LRRTM4: variants seen among roughly 807,000 people sequenced by gnomAD.
LRRTM4 encodes the protein leucine-rich repeat transmembrane neuronal protein 4.
LRRTM4 carries 25 observed loss-of-function variants against 47.6 expected under a neutral mutation model. The ratio of observed to expected loss-of-function variants is 0.53; its 90% CI spans 0.38 to 0.73. The LOEUF (loss-of-function observed/expected upper bound fraction) is 0.73. LRRTM4 is among the 30% of genes least tolerant of loss of function. The probability of loss-of-function intolerance (pLI) is 0.00; values close to 1 mark genes in which losing one functional copy is unlikely to be tolerated. For missense variants in LRRTM4, 638 were observed against 713.4 expected, an observed-to-expected ratio of 0.89 and a Z score of 1.20; for synonymous variants, 311 against 269.5, an observed-to-expected ratio of 1.15 and a Z score of -1.51.
intron 3 of LRRTM4, among the ~76,000 whole-genome samples, chr2:77,190,553 G>C (rs1204960882): frequency 6.6e-6 from 1 of 151,996 alleles, no homozygotes; most frequent in Non-Finnish European, 1.5e-5. Context: ...GCCCACCTCG[G>C]CTTCCCAAAG....
chr2:76,986,837 A>G (rs1352855037), intron 3 of LRRTM4, among the ~76,000 whole-genome samples: 3 of 151,936 alleles, frequency 2.0e-5, no homozygotes, highest in Non-Finnish European at 2.9e-5. Flanking sequence ...TGCTTTAGCT[A>G]ATTTGATTTT....
At chr2:77,157,307 A>G (rs565611107) in intron 3 of LRRTM4, among the ~76,000 whole-genome samples, 45 of 152,292 alleles carry the variant, frequency 3.0e-4, no homozygotes, top group African/African-American at 9.9e-4. Context: ...GGGAATCATC[A>G]TATCAGTAAG....
intron 3 of LRRTM4, among the ~76,000 whole-genome samples, chr2:76,820,115 T>C (rs1671011887): frequency 1.3e-5 from 2 of 151,986 alleles, no homozygotes; most frequent in East Asian, 1.9e-4. Flanking sequence ...ACTCCCATTC[T>C]GTTTAGTCCA....
At chr2:77,049,120 TTTTATATA>T (rs375102781) in intron 3 of LRRTM4, among the ~76,000 whole-genome samples, 1,177 of 66,352 alleles carry the variant, frequency 0.018, 9 homozygotes, top group East Asian at 0.022. Context: ...ATATTTCATT[TTTTATATA>T]TATATATATA....
intron 3 of LRRTM4, among the ~76,000 whole-genome samples, chr2:77,489,658 A>G (rs757404076): frequency 6.6e-6 from 1 of 152,240 alleles, no homozygotes; most frequent in South Asian, 2.1e-4. Context: ...TAAAGCAATT[A>G]GTAATGTTCT....
At chr2:76,803,159 G>C (rs994092691) in intron 3 of LRRTM4, among the ~76,000 whole-genome samples, 1 of 151,814 alleles carries the variant, frequency 6.6e-6, no homozygotes, top group Non-Finnish European at 1.5e-5. Flanking sequence ...CAGAGTGAAG[G>C]GACAATCTCC....
At chr2:77,291,926 A>C (rs1676834620) in intron 3 of LRRTM4, among the ~76,000 whole-genome samples, 1 of 152,028 alleles carries the variant, frequency 6.6e-6, no homozygotes, top group South Asian at 2.1e-4. Context: ...AAATGGGAGA[A>C]AATTTTCGCA....
chr2:77,224,286 G>A, intron 3 of LRRTM4, among the ~76,000 whole-genome samples: 1 of 152,004 alleles, frequency 6.6e-6, no homozygotes, highest in Non-Finnish European at 1.5e-5. Flanking sequence ...ATACCATTCA[G>A]GACATAGGCA....
At chr2:77,003,022 T>A (rs966295807) in intron 3 of LRRTM4, among the ~76,000 whole-genome samples, 4 of 152,184 alleles carry the variant, frequency 2.6e-5, no homozygotes, top group Admixed American at 2.0e-4. Context: ...TTATGTAGAA[T>A]AGACTTGACA....
At chr2:76,794,307 T>TAC (rs1675140213) in intron 3 of LRRTM4, among the ~76,000 whole-genome samples, 1 of 152,170 alleles carries the variant, frequency 6.6e-6, no homozygotes, top group Non-Finnish European at 1.5e-5. Context: ...AATATCTGCA[T>TAC]TAGTATGAAA....
intron 3 of LRRTM4, among the ~76,000 whole-genome samples, chr2:77,190,858 G>A (rs547945207): frequency 7.7e-4 from 118 of 152,258 alleles, no homozygotes; most frequent in Non-Finnish European, 1.4e-3. Context: ...GTGTTATGTG[G>A]AGGAATTAAA....
chr2:77,075,085 A>C (rs1030548397), intron 3 of LRRTM4, among the ~76,000 whole-genome samples: 4 of 152,138 alleles, frequency 2.6e-5, no homozygotes, highest in Non-Finnish European at 5.9e-5. Flanking sequence ...GATTTATTTT[A>C]TTTTATTGTC....
intron 3 of LRRTM4, among the ~76,000 whole-genome samples, chr2:77,255,738 A>G (rs1368812391): frequency 1.3e-5 from 2 of 152,128 alleles, no homozygotes; most frequent in African/African-American, 2.4e-5. Flanking sequence ...AAATGAAATT[A>G]CATGTCAATA....
chr2:76,942,871 C>T (rs1013269345), intron 3 of LRRTM4, among the ~76,000 whole-genome samples: 22 of 152,032 alleles, frequency 1.4e-4, no homozygotes, highest in Non-Finnish European at 1.5e-5. Context: ...ATGATATGAT[C>T]TTTTGTAAAG....
intron 3 of LRRTM4, among the ~76,000 whole-genome samples, chr2:77,421,600 G>C (rs916293051): frequency 6.6e-6 from 1 of 152,068 alleles, no homozygotes; most frequent in Non-Finnish European, 1.5e-5. Flanking sequence ...CCAGCTACTC[G>C]GGAGGCTGAA....
chr2:77,170,010 A>G (rs1018391412), intron 3 of LRRTM4, among the ~76,000 whole-genome samples: 3 of 152,152 alleles, frequency 2.0e-5, no homozygotes, highest in African/African-American at 2.4e-5. Context: ...ATTGAGTTTT[A>G]TATGGCAATG....
chr2:76,997,668 T>C (rs142863598), intron 3 of LRRTM4, among the ~76,000 whole-genome samples: 9 of 152,220 alleles, frequency 5.9e-5, no homozygotes, highest in African/African-American at 1.2e-4. Flanking sequence ...CTAGAGAAAA[T>C]TGAACTAACA....
intron 3 of LRRTM4, among the ~76,000 whole-genome samples, chr2:76,816,928 G>T (rs921381864): frequency 7.0e-6 from 1 of 143,554 alleles, no homozygotes; most frequent in Admixed American, 7.3e-5. Context: ...TTTCATGTTT[G>T]CGGGAAGTGT....
intron 3 of LRRTM4, among the ~76,000 whole-genome samples, chr2:77,334,301 G>T (rs577176886): frequency 6.6e-6 from 1 of 152,078 alleles, no homozygotes; most frequent in East Asian, 1.9e-4. Flanking sequence ...GAGGAAATGA[G>T]ATTTAGGAGT....
Sources: gnomAD v4.1 joint callset for allele counts (sites outside exome capture counted in the v4.1 genomes callset) on GRCh38, gnomAD v4.1.1 for gene constraint, MANE v1.5 for transcripts, NCBI Gene and HGNC (gene_info 2026-07-23, HGNC 2026-07-21) for gene names.